The following DDR2 variants were observed in gnomAD, a reference collection of about 807,000 sequenced individuals.
DDR2 encodes discoidin domain receptor tyrosine kinase 2, also known as discoidin domain-containing receptor 2.
In DDR2, 27 loss-of-function variants were observed where a neutral mutation model predicts 94.9. The ratio of observed to expected loss-of-function variants is 0.28; its 90% confidence interval spans 0.21 to 0.39. The LOEUF (loss-of-function observed/expected upper bound fraction) is 0.39, where lower values mean the gene tolerates loss of function less well. Ranked by LOEUF, DDR2 falls within the 10% of genes least tolerant of loss-of-function variation. The pLI, the probability that DDR2 is intolerant of heterozygous loss-of-function variation, is 1.00. For missense variants in DDR2, 783 were observed against 1,076.0 expected, an observed-to-expected ratio of 0.73 and a Z score of 3.81; for synonymous variants, 382 against 377.2, an observed-to-expected ratio of 1.01 and a Z score of -0.15.
At chr1:162,666,691 T>C (rs931247467) in intron 2 of DDR2, among the ~76,000 whole-genome samples, 3 of 152,158 alleles carry the variant, frequency 2.0e-5, no homozygotes, top group African/African-American at 7.2e-5. Flanking sequence ...CACTTTATTT[T>C]TTCTGCATTT....
intron 2 of DDR2, among the ~76,000 whole-genome samples, chr1:162,698,086 A>G (rs1660268091): frequency 6.6e-6 from 1 of 152,232 alleles, no homozygotes; most frequent in African/African-American, 2.4e-5. Context: ...TAATGTCTGC[A>G]GTTTATCTGC....
Position 162,783,944 on chromosome 1 carries a change from T to C in DDR2, c.*3698T>C, listed in dbSNP as rs947905879. ...AGACCCAGAGATGCAGAGCTTATGG[T>C]AGTTCATAAATCTTCATGTTCTATT... is the stretch of plus-strand genomic sequence containing the variant. On this transcript the variant is annotated 3_prime_UTR_variant, in exon 18 of 18. Transcript: ENST00000367921. The C allele has an allele frequency of 2.6e-5, 4 of 152,228 alleles. No individual in the cohort carries two copies. The highest frequency in any genetic ancestry group is 9.6e-5 in the African/African-American group (4 of 41,456). 9.4% of individuals were successfully genotyped at this position (152,228 alleles called of 1,614,324 possible).
chr1:162,774,069 C>T (rs558620813), intron 14 of DDR2, among the ~76,000 whole-genome samples: 1 of 140,144 alleles, frequency 7.1e-6, no homozygotes, highest in Non-Finnish European at 1.6e-5. Flanking sequence ...ATTTGAGCAA[C>T]CCTCAAAATG....
At chr1:162,670,749 C>T (rs564268047) in intron 2 of DDR2, among the ~76,000 whole-genome samples, 1 of 152,312 alleles carries the variant, frequency 6.6e-6, no homozygotes, top group South Asian at 2.1e-4. Flanking sequence ...AATGCAAACC[C>T]CTAGTGCTTC....
At chr1:162,713,460 C>T (rs918865468) in intron 2 of DDR2, among the ~76,000 whole-genome samples, 10 of 152,206 alleles carry the variant, frequency 6.6e-5, no homozygotes, top group African/African-American at 2.4e-4. Context: ...TCACAATCTC[C>T]TCTGACAAAT....
chr1:162,688,047 C>T (rs926681783), intron 2 of DDR2, among the ~76,000 whole-genome samples: 11 of 152,112 alleles, frequency 7.2e-5, no homozygotes, highest in Non-Finnish European at 1.2e-4. Flanking sequence ...GAGATTGGTT[C>T]GGCAACTTCA....
At chr1:162,764,910 A>G (rs935851599) in intron 9 of DDR2, among the ~76,000 whole-genome samples, 2 of 152,196 alleles carry the variant, frequency 1.3e-5, no homozygotes, top group Admixed American at 6.5e-5. Context: ...AAAAATTTCA[A>G]GATGGTTTGC....
intron 3 of DDR2, among the ~76,000 whole-genome samples, chr1:162,724,248 G>A (rs1558047162): frequency 1.3e-5 from 2 of 152,182 alleles, no homozygotes; most frequent in African/African-American, 2.4e-5. Flanking sequence ...AGGGAGCAAT[G>A]TGCTGAAGTG....
At chr1:162,701,162 T>C (rs988233987) in intron 2 of DDR2, among the ~76,000 whole-genome samples, 6 of 152,212 alleles carry the variant, frequency 3.9e-5, no homozygotes, top group African/African-American at 1.4e-4. Flanking sequence ...AGAATCATTC[T>C]TTACAACTAT....
intron 1 of DDR2, among the ~76,000 whole-genome samples, chr1:162,654,800 C>A (rs1431676831): frequency 6.6e-6 from 1 of 152,024 alleles, no homozygotes; most frequent in Non-Finnish European, 1.5e-5. Context: ...CACATTGAAT[C>A]CAGAAGCAGA....
At chr1:162,741,276 A>G (rs1397140980) in intron 3 of DDR2, among the ~76,000 whole-genome samples, 4 of 119,080 alleles carry the variant, frequency 3.4e-5, no homozygotes, top group South Asian at 2.4e-4. Flanking sequence ...ATATAATATA[A>G]TATAATATAA....
intron 2 of DDR2, among the ~76,000 whole-genome samples, chr1:162,687,134 T>TCTTCATGTCCAGCG (rs1221805523): frequency 6.6e-6 from 1 of 152,190 alleles, no homozygotes; most frequent in East Asian, 1.9e-4. Flanking sequence ...CCTGCCACTG[T>TCTTCATGTCCAGCG]CTTCATGTCC....
intron 2 of DDR2, among the ~76,000 whole-genome samples, chr1:162,675,732 GT>G (rs1306182571): frequency 6.6e-6 from 1 of 152,166 alleles, no homozygotes; most frequent in Non-Finnish European, 1.5e-5. Context: ...GGTCAATGAA[GT>G]TTTATTTAAG....
intron 6 of DDR2, 63 bp downstream of exon 6, chr1:162,755,366 G>A (rs1399842532): frequency 1.3e-6 from 2 of 1,597,452 alleles, no homozygotes; most frequent in Non-Finnish European, 1.7e-6. Context: ...GGGAAATGAA[G>A]GCAATCAAAT....
chr1:162,760,356 A>G (rs1411964295), intron 8 of DDR2, among the ~76,000 whole-genome samples: 1 of 75,928 alleles, frequency 1.3e-5, no homozygotes, highest in African/African-American at 4.8e-5. Context: ...TTACCAGCAC[A>G]GTTGTGTGTG....
At chr1:162,769,875 C>T (rs775391521) in intron 11 of DDR2, among the ~76,000 whole-genome samples, 11 of 152,168 alleles carry the variant, frequency 7.2e-5, no homozygotes, top group Non-Finnish European at 1.5e-4. Context: ...ACTGATTCAT[C>T]ATGTTATAGC....
chr1:162,666,478 G>T (rs17473315), intron 2 of DDR2, among the ~76,000 whole-genome samples: 19,547 of 152,192 alleles, frequency 0.13, 1,312 homozygotes, highest in South Asian at 0.16. Flanking sequence ...AGTCAAAGTG[G>T]ATGATGGATC....
intron 1 of DDR2, among the ~76,000 whole-genome samples, chr1:162,644,396 C>T (rs577972599): frequency 1.4e-4 from 22 of 152,194 alleles, no homozygotes; most frequent in Middle Eastern, 3.4e-3. Context: ...GGAAGTACTA[C>T]GATGCTATTT....
chr1:162,656,831 G>T (rs1379514717), intron 2 of DDR2, among the ~76,000 whole-genome samples: 1 of 27,134 alleles, frequency 3.7e-5, no homozygotes, highest in Non-Finnish European at 1.3e-4. Context: ...CCTGCCACTG[G>T]AGTTTTTTTT....
Sources: gnomAD v4.1 joint callset for allele counts (sites outside exome capture counted in the v4.1 genomes callset) on GRCh38, gnomAD v4.1.1 for gene constraint, MANE v1.5 for transcripts, NCBI Gene and HGNC (gene_info 2026-07-23, HGNC 2026-07-21) for gene names.